The following THSD4 variants were observed in gnomAD, a reference collection of about 807,000 sequenced individuals.
THSD4 encodes the protein thrombospondin type 1 domain containing 4.
In THSD4, 69 loss-of-function variants were observed where a neutral mutation model predicts 119.0. The observed-to-expected ratio is 0.58, with a 90% CI of 0.48 to 0.71. THSD4 has a LOEUF of 0.71. Ranked by LOEUF, THSD4 falls within the 30% of genes least tolerant of loss-of-function variation. The probability of loss-of-function intolerance (pLI) is 0.00; values close to 1 mark genes in which losing one functional copy is unlikely to be tolerated. For synonymous variants in THSD4, 524 were observed against 540.4 expected (o/e 0.97, Z 0.42); for missense variants, 1,393 against 1,391.1 (o/e 1.00, Z -0.02).
In THSD4 at chr15:71,389,810, G is replaced by GT. The variant is rs556682631; in HGVS notation, c.1016-21860dup. Among the ~76,000 whole-genome samples, 747 of 88,030 alleles carry GT rather than the reference G, an allele frequency of 8.5e-3. 78 individuals carry two copies. Among genetic ancestry groups the GT allele is most frequent in the South Asian group, 0.064 (129 of 2,028 alleles). 57.8% of individuals were successfully genotyped at this position (88,030 alleles called of 152,430 possible). ...GCCAACACTTGCTATTTTCTGGGTTGTTTTTTTTTTTTTTTTTGACACAGA... is the reference window on the plus strand; with the variant it reads ...GCCAACACTTGCTATTTTCTGGGTTGTTTTTTTTTTTTTTTTTTGACACAGA... On this transcript the variant is annotated intron_variant, in intron 6 of 17. Transcript: ENST00000261862.
intron 3 of THSD4, 55 bp downstream of exon 3, chr15:71,154,987 G>A: frequency 3.9e-6 from 6 of 1,558,160 alleles, no homozygotes; most frequent in Non-Finnish European, 5.3e-6. Flanking sequence ...TAGGGCCACT[G>A]TGGTCACTGC....
chr15:71,217,466 C>T (rs1006673293), intron 4 of THSD4, among the ~76,000 whole-genome samples: 2 of 151,892 alleles, frequency 1.3e-5, no homozygotes, highest in Non-Finnish European at 2.9e-5. Context: ...AAAATACACA[C>T]ACAAAAATTA....
chr15:71,323,339 G>A (rs1467264949), intron 6 of THSD4, among the ~76,000 whole-genome samples: 2 of 152,146 alleles, frequency 1.3e-5, no homozygotes, highest in African/African-American at 4.8e-5. Context: ...TCTCATGTTC[G>A]CCTGTGTCCA....
At chr15:71,106,144 C>A (rs2040273438) in intron 1 of THSD4, among the ~76,000 whole-genome samples, 1 of 152,158 alleles carries the variant, frequency 6.6e-6, no homozygotes. Context: ...GGAAGGTCTA[C>A]AGGAGAAAAT....
rs1172734469 is a variant in THSD4 at position 71,295,158 on chromosome 15, C to T, written c.1015+38443C>T. ...TAGGCAGGAAGGAAATCATCTCCTA[C>T]CTGGATTACTCAATATCTTCCTTAC... is the stretch of plus-strand genomic sequence containing the variant. On this transcript the variant is annotated intron_variant, in intron 6 of 17. Transcript: ENST00000261862. 2.0e-5 allele frequency among the ~76,000 whole-genome samples: 3 copies of T among 152,260 alleles called. No individual in the cohort carries two copies. In the East Asian group the frequency reaches 5.8e-4, roughly 29 times the overall value.
At chr15:71,208,868 A>C (rs2043866954) in intron 3 of THSD4, among the ~76,000 whole-genome samples, 1 of 152,018 alleles carries the variant, frequency 6.6e-6, no homozygotes, top group Non-Finnish European at 1.5e-5. Context: ...GACTATTTAG[A>C]GAGGCACCAT....
At chr15:71,133,224 G>A (rs1189362174) in intron 1 of THSD4, among the ~76,000 whole-genome samples, 2 of 152,144 alleles carry the variant, frequency 1.3e-5, no homozygotes, top group African/African-American at 4.8e-5. Context: ...ATCTCATCAC[G>A]GCTGTTTATT....
At chr15:71,735,756 CTCTG>C (rs144153923) in intron 10 of THSD4, among the ~76,000 whole-genome samples, 2,591 of 150,754 alleles carry the variant, frequency 0.017, 56 homozygotes, top group Admixed American at 0.046. Flanking sequence ...CTCTCTTGCT[CTCTG>C]TCTGTCTTCT....
chr15:71,247,749 C>T (rs1390028181), intron 5 of THSD4, among the ~76,000 whole-genome samples: 2 of 152,002 alleles, frequency 1.3e-5, no homozygotes, highest in Non-Finnish European at 2.9e-5. Context: ...CAACACAGGG[C>T]GGAAGTCATG....
At position 71,778,423 on chromosome 15, in the gene THSD4, C is replaced by T. The variant is rs1224142878; in HGVS notation, c.*1049C>T. 1 of 152,366 alleles carries T rather than the reference C, an allele frequency of 6.6e-6. No homozygotes were observed. Among genetic ancestry groups the T allele is most frequent in the Non-Finnish European group, 1.5e-5 (1 of 68,190 alleles). The allele number at this position is 152,366 out of a possible 1,614,324, so 9.4% of individuals were successfully genotyped here. On this transcript the variant is annotated 3_prime_UTR_variant, in exon 18 of 18. Coordinates refer to ENST00000261862, the MANE Select transcript of THSD4 (RefSeq NM_024817.3). ...TTCTTACTCCGTTCCAAGTGCTGTT[C>T]CTCCCAGGAAATCAAAGGCCAGGGT...
chr15:71,409,090 TG>T (rs2046647252), intron 6 of THSD4, among the ~76,000 whole-genome samples: 3 of 151,818 alleles, frequency 2.0e-5, no homozygotes, highest in Admixed American at 1.3e-4. Flanking sequence ...GCCATTCCTC[TG>T]GGTTCCTTTC....
At chr15:71,108,679 T>C (rs537650827) in intron 1 of THSD4, among the ~76,000 whole-genome samples, 60 of 152,278 alleles carry the variant, frequency 3.9e-4, no homozygotes, top group Non-Finnish European at 5.3e-4. Context: ...CCCCTGGGCC[T>C]CTGTTTTTTA....
chr15:71,518,276 A>G (rs1167548099), intron 7 of THSD4, among the ~76,000 whole-genome samples: 5 of 151,332 alleles, frequency 3.3e-5, no homozygotes, highest in Admixed American at 1.3e-4. Flanking sequence ...GCTAATTTAT[A>G]TAAGAAGTTA....
At chr15:71,325,060 GA>G (rs1364231890) in intron 6 of THSD4, among the ~76,000 whole-genome samples, 16 of 152,256 alleles carry the variant, frequency 1.1e-4, no homozygotes, top group Non-Finnish European at 1.8e-4. Context: ...GATGATTAGT[GA>G]TGTAGAGCAT....
intron 5 of THSD4, among the ~76,000 whole-genome samples, chr15:71,245,583 C>T (rs934362370): frequency 2.6e-5 from 4 of 152,170 alleles, no homozygotes; most frequent in Non-Finnish European, 5.9e-5. Context: ...CATAAGCTCT[C>T]CAGAATCACA....
At chr15:71,370,122 G>A (rs984985985) in intron 6 of THSD4, among the ~76,000 whole-genome samples, 5 of 152,108 alleles carry the variant, frequency 3.3e-5, no homozygotes, top group Non-Finnish European at 5.9e-5. Context: ...GGGATCAGCG[G>A]TGATATCCCC....
intron 6 of THSD4, among the ~76,000 whole-genome samples, chr15:71,401,795 A>ATGCACACATATGCTTAT (rs1423405382): frequency 2.2e-4 from 34 of 152,238 alleles, no homozygotes; most frequent in Non-Finnish European, 2.9e-5. Flanking sequence ...ATAAAGACAT[A>ATGCACACATATGCTTAT]TGCACACATA....
intron 1 of THSD4, among the ~76,000 whole-genome samples, chr15:71,139,392 A>G (rs1285851839): frequency 6.6e-6 from 1 of 152,174 alleles, no homozygotes; most frequent in Non-Finnish European, 1.5e-5. Context: ...TTGACTTCCA[A>G]GTTAAATCCC....
chr15:71,435,541 G>T (rs1410121777), intron 7 of THSD4, among the ~76,000 whole-genome samples: 1 of 152,120 alleles, frequency 6.6e-6, no homozygotes, highest in Non-Finnish European at 1.5e-5. Context: ...CTTTTTTCAT[G>T]GAAAGTCCCT....
Sources: allele counts gnomAD v4.1 joint callset (sites outside exome capture counted in the v4.1 genomes callset), GRCh38; gene constraint gnomAD v4.1.1; transcripts MANE v1.5; gene names NCBI Gene and HGNC (gene_info 2026-07-23, HGNC 2026-07-21).